Variants in NAV2 observed in about 807,000 individuals in gnomAD.
NAV2 encodes helicase, APC down-regulated 1.
A neutral mutation model predicts 223.2 loss-of-function variants in NAV2; 54 were observed. The ratio of observed to expected loss-of-function variants is 0.24; its 90% CI spans 0.19 to 0.30. The LOEUF (loss-of-function observed/expected upper bound fraction) is 0.30, where lower values mean the gene tolerates loss of function less well. NAV2 is among the 10% of genes least tolerant of loss of function. The pLI is 1.00. For synonymous variants in NAV2, 1,279 were observed against 1,239.3 expected, an observed-to-expected ratio of 1.03 and a Z score of -0.67; for missense variants, 2,806 against 3,147.5, an observed-to-expected ratio of 0.89 and a Z score of 2.60.
At position 20,118,181 on chromosome 11, in the gene NAV2, C is replaced by G; in HGVS notation, c.7213C>G (p.Gln2405Glu). 6.2e-7 allele frequency: 1 copy of G among 1,614,124 alleles called. No homozygotes were observed. Among genetic ancestry groups the G allele is most frequent in the Non-Finnish European group, 8.5e-7 (1 of 1,179,996 alleles). ...LQEAANYSSP[Q>E]SYDSDSNSNS... ...GGAGGCAGCCAACTACTCCAGCCCC[C>G]AGAGCTATGACAGCGACTCCAACAG... The change falls in exon 38 of 38, where the codon CAG (glutamine) becomes GAG (glutamate). Residue 2405 changes from glutamine (Q) to glutamate (E), a missense_variant. This residue lies in a region of NAV2 where 824 missense variants were observed against 1,069.4 expected (regional missense o/e 0.77). Coordinates refer to ENST00000349880, the MANE Select transcript of NAV2 (RefSeq NM_145117.5).
intron 1 of NAV2, among the ~76,000 whole-genome samples, chr11:19,644,997 G>T (rs75735407): frequency 6.6e-6 from 1 of 152,304 alleles, no homozygotes; most frequent in South Asian, 2.1e-4. Context: ...GGACGTATTA[G>T]TTTTCTTTTT....
At chr11:19,695,893 A>AATAAAATAAAATAAAATAAT (rs1186349725) in intron 1 of NAV2, among the ~76,000 whole-genome samples, 85 of 150,056 alleles carry the variant, frequency 5.7e-4, no homozygotes, top group Admixed American at 8.6e-4. Flanking sequence ...GAAATAATAA[A>AATAAAATAAAATAAAATAAT]ATAAAATAAA....
At chr11:19,437,077 T>G (rs987304005) in intron 1 of NAV2, among the ~76,000 whole-genome samples, 2 of 152,160 alleles carry the variant, frequency 1.3e-5, no homozygotes, top group Admixed American at 6.5e-5. Context: ...TTCTTTTTCT[T>G]GCCTAATTAC....
intron 11 of NAV2, among the ~76,000 whole-genome samples, chr11:19,990,759 T>C (rs1328511855): frequency 6.6e-6 from 1 of 152,178 alleles, no homozygotes; most frequent in Non-Finnish European, 1.5e-5. Context: ...TTAATGAAAA[T>C]TAACTAAAAG....
At chr11:19,751,518 C>T (rs904745296) in intron 1 of NAV2, among the ~76,000 whole-genome samples, 7 of 152,246 alleles carry the variant, frequency 4.6e-5, no homozygotes, top group Admixed American at 1.3e-4. Context: ...TACTGTTTTC[C>T]AAGTTTTTCA....
At chr11:19,372,727 A>T (rs142559835) in intron 1 of NAV2, among the ~76,000 whole-genome samples, 156 of 152,246 alleles carry the variant, frequency 1.0e-3, no homozygotes, top group Middle Eastern at 0.01. Context: ...GGCCTGAGAG[A>T]TATTAGTAAT....
chr11:19,719,816 T>G (rs1318516268), intron 1 of NAV2, among the ~76,000 whole-genome samples: 1 of 152,204 alleles, frequency 6.6e-6, no homozygotes, highest in Middle Eastern at 3.2e-3. Flanking sequence ...AATTGAAACC[T>G]TCACAGGTTG....
At chr11:19,493,053 C>G (rs900063150) in intron 1 of NAV2, among the ~76,000 whole-genome samples, 2 of 152,214 alleles carry the variant, frequency 1.3e-5, no homozygotes, top group Admixed American at 1.3e-4. Context: ...TCGTCCAGGT[C>G]GATAATGTTG....
At chr11:19,973,788 G>C (rs1176028042) in intron 10 of NAV2, among the ~76,000 whole-genome samples, 2 of 152,196 alleles carry the variant, frequency 1.3e-5, no homozygotes, top group East Asian at 3.9e-4. Context: ...TCCAGAGGAA[G>C]AGCATCTGAT....
intron 1 of NAV2, among the ~76,000 whole-genome samples, chr11:19,475,076 C>G (rs182768488): frequency 1.3e-5 from 2 of 152,336 alleles, no homozygotes; most frequent in East Asian, 3.9e-4. Context: ...GGTCAGCAGC[C>G]ACAGAGAAGG....
chr11:20,081,303 T>C (rs996089642), intron 25 of NAV2, among the ~76,000 whole-genome samples: 11 of 152,246 alleles, frequency 7.2e-5, no homozygotes, highest in African/African-American at 2.7e-4. Flanking sequence ...GATTAATTCA[T>C]ATTGCTGTCT....
At chr11:19,767,174 G>T (rs539761342) in intron 1 of NAV2, among the ~76,000 whole-genome samples, 1 of 152,324 alleles carries the variant, frequency 6.6e-6, no homozygotes, top group African/African-American at 2.4e-5. Flanking sequence ...AGAAACTGGG[G>T]TGTATAGATC....
chr11:20,090,631 A>G (rs1448131954), intron 26 of NAV2, among the ~76,000 whole-genome samples: 2 of 152,234 alleles, frequency 1.3e-5, no homozygotes, highest in East Asian at 1.9e-4. Context: ...ATCTAACTAT[A>G]TTAACGATTT....
intron 10 of NAV2, among the ~76,000 whole-genome samples, chr11:19,982,765 C>T (rs1345441225): frequency 1.3e-5 from 2 of 152,078 alleles, no homozygotes; most frequent in African/African-American, 4.8e-5. Flanking sequence ...CTTCTCTGCC[C>T]CTTACTTGAA....
chr11:19,835,807 C>G (rs2060194869), intron 2 of NAV2, among the ~76,000 whole-genome samples: 1 of 151,274 alleles, frequency 6.6e-6, no homozygotes, highest in Non-Finnish European at 1.5e-5. Context: ...ATAAAATTTT[C>G]CCAGAATTGG....
rs2043958174 is a variant in NAV2, at chr11:19,529,533, TG to T, written c.75+178508del. On this transcript the variant is annotated intron_variant, in intron 1 of 37. Coordinates refer to the NAV2 transcript ENST00000360655. ...AACATGTCGCCTTTTTCTTTTTCTT[TG>T]GAGCCCTTACCCGAATGGAAGTTAC... Among the ~76,000 whole-genome samples the T allele has an allele frequency of 2.6e-5, 4 of 152,356 alleles. No homozygotes were observed. In the South Asian group the frequency reaches 8.3e-4, roughly 32 times the overall value.
intron 4 of NAV2, among the ~76,000 whole-genome samples, chr11:19,878,766 A>C (rs1660117955): frequency 6.6e-6 from 1 of 152,178 alleles, no homozygotes; most frequent in South Asian, 2.1e-4. Context: ...CTTGCTTCTG[A>C]AAGGACTCCA....
At chr11:20,029,429 T>C (rs1490339328) in intron 11 of NAV2, among the ~76,000 whole-genome samples, 1 of 152,230 alleles carries the variant, frequency 6.6e-6, no homozygotes. Context: ...GAGCTCTTTG[T>C]GCTCCAACTT....
intron 5 of NAV2, among the ~76,000 whole-genome samples, chr11:19,890,926 G>A (rs1048715494): frequency 5.9e-5 from 9 of 152,300 alleles, no homozygotes; most frequent in East Asian, 1.9e-4. Context: ...ACAAATCCTC[G>A]CAGCACAGTG....
Sources: gnomAD v4.1 joint callset for allele counts (sites outside exome capture counted in the v4.1 genomes callset) on GRCh38, gnomAD v4.1.1 for gene constraint, gnomAD v4.1.1 regional missense constraint, MANE v1.5 for transcripts, NCBI Gene and HGNC (gene_info 2026-07-23, HGNC 2026-07-21) for gene names.